SORCS1: variants seen among roughly 807,000 people sequenced by gnomAD.
SORCS1 encodes the protein sortilin related VPS10 domain containing receptor 1.
SORCS1 carries 60 observed loss-of-function variants against 146.1 expected under a neutral mutation model. The observed-to-expected ratio is 0.41, with a 90% CI of 0.33 to 0.51. The LOEUF (loss-of-function observed/expected upper bound fraction) is 0.51, where lower values mean the gene tolerates loss of function less well. Ranked by LOEUF, SORCS1 falls within the 20% of genes least tolerant of loss-of-function variation. The pLI is 0.21. For synonymous variants in SORCS1, 637 were observed against 584.0 expected (o/e 1.09, Z -1.31); for missense variants, 1,352 against 1,487.6 (o/e 0.91, Z 1.50).
At chr10:107,046,936 T>C (rs1013929950) in intron 1 of SORCS1, among the ~76,000 whole-genome samples, 1 of 152,316 alleles carries the variant, frequency 6.6e-6, no homozygotes, top group East Asian at 1.9e-4. Flanking sequence ...TCATAAAGTT[T>C]CCAGGAAAGG....
At chr10:106,980,197 T>G (rs1298993676) in intron 1 of SORCS1, among the ~76,000 whole-genome samples, 3 of 152,204 alleles carry the variant, frequency 2.0e-5, no homozygotes, top group African/African-American at 4.8e-5. Flanking sequence ...AGAGATGATG[T>G]TGGGCCAATG....
At chr10:106,951,801 A>T (rs1238297913) in intron 2 of SORCS1, among the ~76,000 whole-genome samples, 14 of 152,200 alleles carry the variant, frequency 9.2e-5, no homozygotes, top group Non-Finnish European at 2.9e-5. Context: ...CAGATGTCTA[A>T]GACTTGCCTG....
Position 107,164,405 on chromosome 10 carries a change from G to A in SORCS1, c.122C>T (p.Pro41Leu). ...VCGGGSCCPS[P>L]HPSSAPRSAS... ...CGAGCGTGGAGCGGAGCTGGGGTGC[G>A]GCGAGGGGCAGCAGGAGCCGCCGCC... Residue 41 changes from proline to leucine, a missense_variant, in exon 1 of 26, where the codon CCG becomes CTG. Around this residue, in one of 3 missense-constraint regions of SORCS1, gnomAD observed 490 missense variants for 489.1 expected, o/e 1.00. Coordinates refer to ENST00000263054, the MANE Select transcript of SORCS1 (RefSeq NM_052918.5). This position sits in a 1 kb window ranked among gnomAD's most constrained non-coding sequence, Gnocchi z 6.8. 13 of 1,424,638 alleles carry A rather than the reference G, an allele frequency of 9.1e-6. No individual in the cohort carries two copies. The highest frequency in any genetic ancestry group is 1.5e-5 in the African/African-American group (1 of 68,620). 88.2% of individuals were successfully genotyped at this position (1,424,638 alleles called of 1,614,324 possible). A position where few individuals can be genotyped will look rare whatever the true frequency, so the allele number is the denominator to read the frequency against.
chr10:106,664,833 C>G (rs953205309), intron 17 of SORCS1, among the ~76,000 whole-genome samples: 1 of 151,960 alleles, frequency 6.6e-6, no homozygotes, highest in Non-Finnish European at 1.5e-5. Context: ...AAAAAAAAAT[C>G]AATTCTTAAA....
At chr10:106,928,218 A>C (rs1211927716) in intron 2 of SORCS1, among the ~76,000 whole-genome samples, 1 of 152,320 alleles carries the variant, frequency 6.6e-6, no homozygotes, top group East Asian at 1.9e-4. Flanking sequence ...AGGCTCAGGC[A>C]TGGTGGGCTG....
chr10:106,748,326 C>T (rs533123241), intron 5 of SORCS1, among the ~76,000 whole-genome samples: 6 of 152,108 alleles, frequency 3.9e-5, no homozygotes, highest in Middle Eastern at 6.8e-3. Context: ...TCTGTTACGG[C>T]GATGTGTGGT....
At chr10:106,825,897 A>G (rs958750022) in intron 3 of SORCS1, among the ~76,000 whole-genome samples, 1 of 152,204 alleles carries the variant, frequency 6.6e-6, no homozygotes, top group Non-Finnish European at 1.5e-5. Context: ...GCTAATACCT[A>G]GGACCCCTCT....
intron 1 of SORCS1, among the ~76,000 whole-genome samples, chr10:106,963,260 C>T (rs984052736): frequency 2.6e-4 from 40 of 151,776 alleles, no homozygotes; most frequent in South Asian, 6.3e-4. Context: ...GGACTACAGG[C>T]GCCCACCACC....
intron 4 of SORCS1, among the ~76,000 whole-genome samples, chr10:106,767,123 A>G (rs765963574): frequency 6.6e-6 from 1 of 152,170 alleles, no homozygotes; most frequent in Non-Finnish European, 1.5e-5. Context: ...TGTAGACTGG[A>G]TCCAAATGTC....
intron 1 of SORCS1, among the ~76,000 whole-genome samples, chr10:107,111,394 T>A (rs1037009061): frequency 1.3e-5 from 2 of 151,916 alleles, no homozygotes; most frequent in Non-Finnish European, 2.9e-5. Context: ...CAAACAGAAA[T>A]CCTAGAGCTG....
intron 1 of SORCS1, among the ~76,000 whole-genome samples, chr10:107,078,203 T>C (rs1049262893): frequency 6.6e-6 from 1 of 152,348 alleles, no homozygotes; most frequent in Non-Finnish European, 1.5e-5. Flanking sequence ...AATATTTTAC[T>C]ATAGTAATTT....
intron 19 of SORCS1, among the ~76,000 whole-genome samples, chr10:106,621,500 A>G (rs1358536497): frequency 1.3e-5 from 2 of 151,516 alleles, no homozygotes; most frequent in African/African-American, 4.9e-5. Flanking sequence ...TTCACTCTCT[A>G]CAGACTTTTC....
intron 2 of SORCS1, among the ~76,000 whole-genome samples, chr10:106,938,229 C>T (rs1953852135): frequency 6.6e-6 from 1 of 152,154 alleles, no homozygotes; most frequent in Non-Finnish European, 1.5e-5. Flanking sequence ...TCTCAATCTG[C>T]TCTAGTGTAC....
At chr10:106,579,857 G>C (rs934735692) in intron 24 of SORCS1, among the ~76,000 whole-genome samples, 8 of 151,992 alleles carry the variant, frequency 5.3e-5, no homozygotes, top group Non-Finnish European at 5.9e-5. Context: ...TGTATGTTAC[G>C]CATTGAGAAA....
intron 2 of SORCS1, among the ~76,000 whole-genome samples, chr10:106,944,084 C>T (rs1298198087): frequency 6.6e-6 from 1 of 152,078 alleles, no homozygotes; most frequent in East Asian, 1.9e-4. Flanking sequence ...AAGGTTGGCC[C>T]CTTCTCATCT....
chr10:106,958,625 G>GC (rs1160120069), intron 1 of SORCS1, among the ~76,000 whole-genome samples: 2 of 150,626 alleles, frequency 1.3e-5, no homozygotes, highest in East Asian at 3.9e-4. Flanking sequence ...ATCTAAGGCC[G>GC]CCCCTCTCCT....
chr10:106,587,845 T>G (rs1252100), intron 24 of SORCS1, among the ~76,000 whole-genome samples: 62,262 of 151,372 alleles, frequency 0.41, 15,855 homozygotes, highest in Non-Finnish European at 0.56. Context: ...GTATTTTTTT[T>G]GGGGGGGGTC....
chr10:107,003,504 A>G (rs544954085), intron 1 of SORCS1, among the ~76,000 whole-genome samples: 2 of 149,472 alleles, frequency 1.3e-5, no homozygotes, highest in African/African-American at 2.5e-5. Context: ...CCTCTTAGCT[A>G]TCTCATACAA....
At position 107,060,614 on chromosome 10, in the gene SORCS1, T is replaced by C. The variant is rs147786573; in HGVS notation, c.558+103355A>G. Among the ~76,000 whole-genome samples, 91 of 152,286 alleles carry C rather than the reference T, an allele frequency of 6.0e-4. No homozygotes were observed. Among genetic ancestry groups the C allele is most frequent in the African/African-American group, 2.1e-3 (87 of 41,572 alleles). On this transcript the variant is annotated intron_variant, in intron 1 of 25. Coordinates refer to ENST00000263054, the MANE Select transcript of SORCS1 (RefSeq NM_052918.5). The surrounding 1 kb of genome is among the most constrained non-coding windows in gnomAD (Gnocchi z 4.1). ...GCTCAGGAAAAGGAGCTGCCCAATC[T>C]ATATCTTTGCCAACAACCCTTTTCC...
Sources: gnomAD v4.1 joint callset for allele counts (sites outside exome capture counted in the v4.1 genomes callset) on GRCh38, gnomAD v4.1.1 for gene constraint, gnomAD v4.1.1 regional missense constraint, Gnocchi (gnomAD v3.1) non-coding constraint, MANE v1.5 for transcripts, NCBI Gene and HGNC (gene_info 2026-07-23, HGNC 2026-07-21) for gene names.